Variants in MSRA observed in about 807,000 individuals in gnomAD.
MSRA encodes methionine sulfoxide reductase A, also known as mitochondrial peptide methionine sulfoxide reductase.
Under a neutral mutation model 31.3 loss-of-function variants are expected in MSRA, and 54 were observed. The observed-to-expected ratio is 1.73, with a 90% CI of 1.39 to 2.17. The LOEUF is 2.17. MSRA is among the 30% of genes most tolerant of loss of function. The pLI is 0.00. For synonymous variants in MSRA, 169 were observed against 116.5 expected (o/e 1.45, Z -2.90); for missense variants, 507 against 300.9 (o/e 1.69, Z -5.07).
chr8:10,242,011 C>A (rs143167703), intron 2 of MSRA, among the ~76,000 whole-genome samples: 2 of 152,290 alleles, frequency 1.3e-5, no homozygotes, highest in East Asian at 3.9e-4. Flanking sequence ...GTGGCTCACG[C>A]CTGTAATCCC....
In MSRA at chr8:10,283,866, CACAT is replaced by C. The variant is rs1429994334; in HGVS notation, c.332-17666_332-17663del. ...ACACACACACACACACACACACACACACATATATATTACAGTTTCTTTATCTACT... is the reference window on the plus strand; with the variant it reads ...ACACACACACACACACACACACACACATATATTACAGTTTCTTTATCTACT... On this transcript the variant is annotated intron_variant, in intron 3 of 5. Transcript: ENST00000317173. Among the ~76,000 whole-genome samples, 8 of 136,528 alleles carry C rather than the reference CACAT, an allele frequency of 5.9e-5. No homozygotes were observed. In the South Asian group the frequency reaches 9.8e-4, roughly 17 times the overall value. The allele number at this position is 136,528 out of a possible 152,430, so 89.6% of individuals were successfully genotyped here.
chr8:10,311,141 C>A (rs546995041), intron 4 of MSRA, among the ~76,000 whole-genome samples: 4 of 152,222 alleles, frequency 2.6e-5, no homozygotes, highest in African/African-American at 9.6e-5. Context: ...CTGGCAGGAA[C>A]TAGGATTTCT....
intron 1 of MSRA, among the ~76,000 whole-genome samples, chr8:10,086,597 C>CTTAGT (rs1328086505): frequency 6.6e-6 from 1 of 152,160 alleles, no homozygotes; most frequent in East Asian, 1.9e-4. Flanking sequence ...TCCTCCAAAG[C>CTTAGT]TTAGGTGAGG....
intron 5 of MSRA, among the ~76,000 whole-genome samples, chr8:10,425,868 G>T (rs1037727793): frequency 2.0e-5 from 3 of 152,214 alleles, no homozygotes; most frequent in Admixed American, 2.0e-4. Context: ...TGTAAGAGAT[G>T]ACAGATTATT....
chr8:10,094,926 T>G lies in MSRA; in HGVS notation c.142+40268T>G, dbSNP rs151016694. ...TTTTCCTTTTTATTGTTATTTGTTT[T>G]ATCAAAAGAACTCTTCTCCCCTGTA... is the stretch of plus-strand genomic sequence containing the variant. On this transcript the variant is annotated intron_variant, in intron 1 of 5. Transcript: ENST00000317173. Among the ~76,000 whole-genome samples, 56 of 152,356 alleles carry G rather than the reference T, an allele frequency of 3.7e-4. No homozygotes were observed. The East Asian group carries it at 0.01, about 28-fold the overall frequency.
At chr8:10,056,111 G>C (rs549856265) in intron 1 of MSRA, among the ~76,000 whole-genome samples, 40 of 143,816 alleles carry the variant, frequency 2.8e-4, no homozygotes, top group African/African-American at 9.3e-4. Context: ...GTTTAAAGGC[G>C]ATACTTTTCA....
chr8:10,146,094 A>C (rs1201112318), intron 1 of MSRA, among the ~76,000 whole-genome samples: 3 of 152,204 alleles, frequency 2.0e-5, no homozygotes, highest in African/African-American at 7.2e-5. Context: ...TGAGTTAGAA[A>C]TGGTTCCTGC....
At chr8:10,320,155 G>T (rs780915032) in intron 5 of MSRA, 166 bp downstream of exon 5, 1 of 502,762 alleles carries the variant, frequency 2.0e-6, no homozygotes, top group Non-Finnish European at 3.6e-6. Flanking sequence ...TGTCTAATAC[G>T]TGTGCTAAAT....
intron 1 of MSRA, among the ~76,000 whole-genome samples, chr8:10,069,441 A>T (rs1401865628): frequency 6.6e-6 from 1 of 152,230 alleles, no homozygotes; most frequent in African/African-American, 2.4e-5. Context: ...GTGATAACAG[A>T]ATACCACAGA....
At chr8:10,278,242 G>A (rs117978015) in intron 3 of MSRA, among the ~76,000 whole-genome samples, 165 of 152,236 alleles carry the variant, frequency 1.1e-3, no homozygotes, top group Non-Finnish European at 2.0e-3. Context: ...GAGTACCTTC[G>A]GGTCTCTGTC....
intron 1 of MSRA, among the ~76,000 whole-genome samples, chr8:10,150,943 C>T (rs1803610504): frequency 6.6e-6 from 1 of 152,036 alleles, no homozygotes; most frequent in Non-Finnish European, 1.5e-5. Context: ...CCGTGTCGCT[C>T]CCTGGACACC....
intron 5 of MSRA, among the ~76,000 whole-genome samples, chr8:10,369,906 C>T (rs779124605): frequency 2.6e-5 from 4 of 152,184 alleles, no homozygotes; most frequent in Non-Finnish European, 5.9e-5. Flanking sequence ...CATTCATTCT[C>T]CTATGTGGTT....
chr8:10,077,533 G>A (rs2128921486), intron 1 of MSRA, among the ~76,000 whole-genome samples: 1 of 145,310 alleles, frequency 6.9e-6, no homozygotes, highest in South Asian at 2.2e-4. Context: ...ATGTTGCCCA[G>A]GCTGGTCTTC....
chr8:10,391,211 C>G (rs1244977866), intron 5 of MSRA, among the ~76,000 whole-genome samples: 11 of 152,170 alleles, frequency 7.2e-5, no homozygotes, highest in Admixed American at 7.2e-4. Flanking sequence ...AGTCATTGGT[C>G]ACACACCCCA....
chr8:10,250,937 C>G, intron 3 of MSRA: 1 of 153,264 alleles, frequency 6.5e-6, no homozygotes, highest in Non-Finnish European at 1.5e-5. Flanking sequence ...TTGAGAAAAT[C>G]TGGGATACAC....
intron 3 of MSRA, among the ~76,000 whole-genome samples, chr8:10,277,827 C>T (rs894542567): frequency 5.9e-5 from 7 of 118,780 alleles, no homozygotes; most frequent in African/African-American, 2.2e-4. Context: ...TTTAGCCCTT[C>T]AACAATGTAT....
At chr8:10,117,354 C>A (rs1034148606) in intron 1 of MSRA, among the ~76,000 whole-genome samples, 6 of 152,118 alleles carry the variant, frequency 3.9e-5, no homozygotes, top group Non-Finnish European at 8.8e-5. Flanking sequence ...AACACAGCCT[C>A]AAAAATCCAC....
At chr8:10,351,548 G>A (rs375013870) in intron 5 of MSRA, among the ~76,000 whole-genome samples, 2 of 152,158 alleles carry the variant, frequency 1.3e-5, no homozygotes, top group African/African-American at 2.4e-5. Context: ...CACTGTGCCC[G>A]GCCGAAAGTG....
At chr8:10,366,803 A>T (rs1805193666) in intron 5 of MSRA, among the ~76,000 whole-genome samples, 1 of 152,054 alleles carries the variant, frequency 6.6e-6, no homozygotes, top group Admixed American at 6.6e-5. Flanking sequence ...TCATGAGTGA[A>T]TCAGTAAATT....
Sources: allele counts gnomAD v4.1 joint callset (sites outside exome capture counted in the v4.1 genomes callset), GRCh38; gene constraint gnomAD v4.1.1; transcripts MANE v1.5; gene names NCBI Gene and HGNC (gene_info 2026-07-23, HGNC 2026-07-21).